ZNF730: variants seen among roughly 807,000 people sequenced by gnomAD.
ZNF730 encodes the protein zinc finger protein 730, also known as putative zinc finger protein 730.
A neutral mutation model predicts 12.6 loss-of-function variants in ZNF730; 12 were observed. The ratio of observed to expected loss-of-function variants is 0.95; its 90% CI spans 0.61 to 1.54. ZNF730 has a LOEUF of 1.54. ZNF730 is among the 40% of genes most tolerant of loss of function. ZNF730 has a pLI of 0.00. For missense variants in ZNF730, 643 were observed against 583.5 expected (o/e 1.10, Z -1.05); for synonymous variants, 194 against 195.8 (o/e 0.99, Z 0.08).
intron 3 of ZNF730, 133 bp from the exon 4 acceptor site, chr19:23,145,138 T>C: frequency 1.6e-6 from 1 of 625,162 alleles, no homozygotes; most frequent in South Asian, 4.7e-5. Context: ...ATTTATATGT[T>C]TATGAAGAAA....
chr19:23,132,707 G>A (rs973065028), intron 1 of ZNF730, among the ~76,000 whole-genome samples: 2 of 152,110 alleles, frequency 1.3e-5, no homozygotes, highest in African/African-American at 4.8e-5. Context: ...TTCTGTCTGT[G>A]TTCTCCATCA....
At chr19:23,129,166 C>G (rs1460764597) in intron 1 of ZNF730, among the ~76,000 whole-genome samples, 1 of 152,136 alleles carries the variant, frequency 6.6e-6, no homozygotes, top group African/African-American at 2.4e-5. Context: ...TAGGGCAGTA[C>G]AGAAAAAAAT....
At chr19:23,128,253 C>T (rs1326425697) in intron 1 of ZNF730, 1 of 712,836 alleles carries the variant, frequency 1.4e-6, no homozygotes, top group Non-Finnish European at 2.6e-6. Flanking sequence ...CAGCAGTACA[C>T]CAGAAGTACA....
chr19:23,086,320 A>T (rs7253221), intron 1 of ZNF730, among the ~76,000 whole-genome samples: 2,615 of 152,054 alleles, frequency 0.017, 59 homozygotes, highest in African/African-American at 0.058. Flanking sequence ...ATTAGATTTT[A>T]CTTATTTATT....
chr19:23,134,602 G>T (rs1389803478), intron 2 of ZNF730, among the ~76,000 whole-genome samples: 6 of 144,568 alleles, frequency 4.2e-5, no homozygotes, highest in South Asian at 2.2e-4. Flanking sequence ...AGGGTGGGGG[G>T]GGGGGTCAGC....
intron 1 of ZNF730, among the ~76,000 whole-genome samples, chr19:23,077,705 G>C (rs1568297227): frequency 6.6e-6 from 1 of 152,100 alleles, no homozygotes; most frequent in Non-Finnish European, 1.5e-5. Flanking sequence ...GCCTCCCAAA[G>C]TGCTGGGGTT....
chr19:23,123,557 G>A (rs543970560), intron 1 of ZNF730: 1 of 147,004 alleles, frequency 6.8e-6, no homozygotes, highest in South Asian at 2.2e-4. Context: ...GCAACACAGC[G>A]AGACTCCAAG....
chr19:23,120,761 C>T (rs1970588739), intron 1 of ZNF730, among the ~76,000 whole-genome samples: 1 of 151,978 alleles, frequency 6.6e-6, no homozygotes. Context: ...TCTCTTGCTT[C>T]TTTCATTCTT....
At chr19:23,135,428 A>G (rs1970814830) in intron 2 of ZNF730, among the ~76,000 whole-genome samples, 1 of 151,852 alleles carries the variant, frequency 6.6e-6, no homozygotes, top group Admixed American at 6.6e-5. Context: ...CACCATCACC[A>G]ATTTTTGAAT....
chr19:23,094,584 C>T (rs918729744), intron 1 of ZNF730, among the ~76,000 whole-genome samples: 2 of 152,144 alleles, frequency 1.3e-5, no homozygotes, highest in Non-Finnish European at 2.9e-5. Context: ...AGCAATTCTC[C>T]ATCCTCAGCC....
chr19:23,094,083 C>G (rs184405004), intron 1 of ZNF730, among the ~76,000 whole-genome samples: 3 of 152,112 alleles, frequency 2.0e-5, no homozygotes, highest in Non-Finnish European at 2.9e-5. Flanking sequence ...CCAGGCTTAC[C>G]GAGGCGATCC....
At chr19:23,085,495 T>G (rs12980795) in intron 1 of ZNF730, among the ~76,000 whole-genome samples, 2 of 89,750 alleles carry the variant, frequency 2.2e-5, no homozygotes, top group South Asian at 4.0e-4. Flanking sequence ...ACCATGCCCG[T>G]CTTTTTTTTT....
chr19:23,110,619 T>A (rs1337603201), intron 1 of ZNF730, among the ~76,000 whole-genome samples: 4 of 152,272 alleles, frequency 2.6e-5, no homozygotes, highest in Non-Finnish European at 5.9e-5. Flanking sequence ...CAGTTAATGG[T>A]CTAATTCTAA....
chr19:23,144,700 C>A (rs372972700), intron 3 of ZNF730, among the ~76,000 whole-genome samples: 125 of 85,746 alleles, frequency 1.5e-3, no homozygotes, highest in Middle Eastern at 6.3e-3. Context: ...ACTCTTGTCT[C>A]AAAAAAAAAA....
intron 1 of ZNF730, among the ~76,000 whole-genome samples, chr19:23,085,496 C>CTTT (rs58871710): frequency 7.2e-4 from 38 of 52,788 alleles, no homozygotes; most frequent in Admixed American, 2.6e-3. Flanking sequence ...CCATGCCCGT[C>CTTT]TTTTTTTTTT....
upstream of ZNF730, among the ~76,000 whole-genome samples, chr19:23,112,112 T>C (rs1970467513): frequency 6.6e-6 from 1 of 152,122 alleles, no homozygotes. Flanking sequence ...CATCAAGACT[T>C]TGAAAGCTGG....
At chr19:23,136,851 A>G (rs1487116981) in intron 3 of ZNF730, among the ~76,000 whole-genome samples, 1 of 151,798 alleles carries the variant, frequency 6.6e-6, no homozygotes, top group African/African-American at 2.4e-5. Context: ...ATGGGAGTTT[A>G]TTGAATCTAG....
At chr19:23,096,979 C>T (rs78509685) in intron 1 of ZNF730, among the ~76,000 whole-genome samples, 6,010 of 152,264 alleles carry the variant, frequency 0.039, 132 homozygotes, top group East Asian at 0.11. Flanking sequence ...TTTATTTTCC[C>T]GGTTCTGGCA....
rs182304692 is a variant in ZNF730, at chr19:23,145,867, A to G, written c.823A>G (p.Lys275Glu). 146 of 1,609,812 alleles carry G rather than the reference A, an allele frequency of 9.1e-5. No homozygotes were observed. In the Middle Eastern group the frequency reaches 1.2e-3, roughly 13 times the overall value. ...FNQSTNLTTH[K>E]RIHTGEKPYK... ...CCAATCCACAAACCTTACTACACAT[A>G]AAAGAATTCATACTGGAGAGAAACC... Residue 275 changes from lysine to glutamate, a missense_variant, in exon 4 of 4, where the codon AAA (lysine) becomes GAA (glutamate). Coordinates refer to ENST00000597761, the MANE Select transcript of ZNF730 (RefSeq NM_001277403.2).
Sources: allele counts gnomAD v4.1 joint callset (sites outside exome capture counted in the v4.1 genomes callset), GRCh38; gene constraint gnomAD v4.1.1; transcripts MANE v1.5; gene names NCBI Gene and HGNC (gene_info 2026-07-23, HGNC 2026-07-21).